The following POLA1 variants were observed in gnomAD, a reference collection of about 807,000 sequenced individuals.
POLA1 encodes DNA polymerase alpha 1, catalytic subunit.
POLA1 carries 15 observed loss-of-function variants against 124.0 expected under a neutral mutation model. The observed-to-expected ratio is 0.12, with a 90% CI of 0.08 to 0.19. POLA1 has a LOEUF of 0.19. Ranked by LOEUF, POLA1 falls within the 10% of genes least tolerant of loss-of-function variation. POLA1 has a pLI of 1.00. For missense variants in POLA1, 886 were observed against 1,103.4 expected (o/e 0.80, Z 2.79); for synonymous variants, 408 against 389.4 (o/e 1.05, Z -0.56).
intron 26 of POLA1, among the ~76,000 whole-genome samples, chrX:24,782,900 T>G (rs2045294344): frequency 9.0e-6 from 1 of 110,888 alleles, no homozygotes; most frequent in African/African-American, 3.3e-5. Flanking sequence ...ACCTAGAAAG[T>G]CCTGGAACCC....
chrX:24,721,531 A>G (rs1930202327), intron 10 of POLA1, among the ~76,000 whole-genome samples: 1 of 112,867 alleles, frequency 8.9e-6, no homozygotes, highest in African/African-American at 3.2e-5. Flanking sequence ...GAAGTACTCC[A>G]AAAGACCCTG....
In POLA1 at chrX:24,841,717, G is replaced by A. The variant is rs778454003; in HGVS notation, c.3802G>A (p.Gly1268Ser). Residue 1268 changes from glycine (G) to serine (S), a missense_variant, in exon 33 of 37, where the codon GGT becomes AGT. By Grantham distance (56) the Gly-to-Ser change is moderately conservative (BLOSUM62 0). Coordinates refer to ENST00000379068, the MANE Select transcript of POLA1 (RefSeq NM_001330360.2). ...HKDEENDALL[G>S]GPAQLTDEEK... ...AGATGAAGAGAATGATGCTCTACTT[G>A]GTGGCCCAGCACAGCTCACTGATGA... The A allele has an allele frequency of 4.5e-5, 53 of 1,185,645 alleles. No individual in the cohort carries two copies. Among genetic ancestry groups the A allele is most frequent in the Non-Finnish European group, 5.8e-5 (51 of 876,187 alleles).
At chrX:24,970,216 C>A (rs1448067146) in intron 36 of POLA1, among the ~76,000 whole-genome samples, 1 of 112,068 alleles carries the variant, frequency 8.9e-6, no homozygotes, top group Non-Finnish European at 1.9e-5. Context: ...AAAGGATTCC[C>A]TATTTAATAA....
At chrX:24,796,384 G>T (rs917333096) in intron 26 of POLA1, among the ~76,000 whole-genome samples, 2 of 111,307 alleles carry the variant, frequency 1.8e-5, no homozygotes, top group African/African-American at 6.6e-5. Context: ...TCACTGTGTG[G>T]TGCCTGACTG....
intron 4 of POLA1, among the ~76,000 whole-genome samples, chrX:24,711,908 A>T (rs866320560): frequency 5.4e-5 from 6 of 111,354 alleles, no homozygotes; most frequent in Non-Finnish European, 9.5e-5. Flanking sequence ...CACTACACAT[A>T]AAATTTTATT....
intron 34 of POLA1, among the ~76,000 whole-genome samples, chrX:24,870,878 T>C (rs1290349727): frequency 8.9e-6 from 1 of 111,767 alleles, no homozygotes; most frequent in Non-Finnish European, 1.9e-5. Flanking sequence ...CTAAAGAACT[T>C]TTCTTTGAAC....
At chrX:24,950,446 C>T (rs1251040919) in intron 36 of POLA1, among the ~76,000 whole-genome samples, 2 of 112,160 alleles carry the variant, frequency 1.8e-5, no homozygotes, top group African/African-American at 6.5e-5. Context: ...CACAGGACTC[C>T]AGAGTTCTTT....
intron 26 of POLA1, among the ~76,000 whole-genome samples, chrX:24,795,121 G>C (rs2045583032): frequency 9.0e-6 from 1 of 110,652 alleles, no homozygotes; most frequent in African/African-American, 3.3e-5. Flanking sequence ...CGATTGACTA[G>C]GAAACTTGAT....
At chrX:24,915,717 G>T (rs1264577454) in intron 35 of POLA1, among the ~76,000 whole-genome samples, 1 of 111,768 alleles carries the variant, frequency 8.9e-6, no homozygotes, top group East Asian at 2.8e-4. Flanking sequence ...TGCTTTATTT[G>T]TCAACATTGG....
At chrX:24,701,689 G>A (rs1426532594) in intron 2 of POLA1, among the ~76,000 whole-genome samples, 1 of 111,298 alleles carries the variant, frequency 9.0e-6, no homozygotes, top group Non-Finnish European at 1.9e-5. Context: ...ACCTGCCTTG[G>A]CCTCCCAAAG....
chrX:24,786,068 T>C (rs909260752), intron 26 of POLA1, among the ~76,000 whole-genome samples: 9 of 112,784 alleles, frequency 8.0e-5, no homozygotes, highest in Middle Eastern at 4.6e-3. Flanking sequence ...ATATTCCATT[T>C]TGTATGTGTG....
At chrX:24,790,400 T>C (rs1179370319) in intron 26 of POLA1, among the ~76,000 whole-genome samples, 1 of 112,249 alleles carries the variant, frequency 8.9e-6, no homozygotes, top group African/African-American at 3.2e-5. Flanking sequence ...TTTCATTTAC[T>C]ATCCCTTAAG....
intron 32 of POLA1, among the ~76,000 whole-genome samples, chrX:24,832,744 A>G (rs748518738): frequency 7.9e-4 from 89 of 112,152 alleles, no homozygotes; most frequent in African/African-American, 2.8e-3. Context: ...ATACACGTAC[A>G]CTGTATTATA....
chrX:24,718,236 A>C (rs1303861028), intron 10 of POLA1, among the ~76,000 whole-genome samples: 2 of 112,066 alleles, frequency 1.8e-5, no homozygotes, highest in African/African-American at 6.5e-5. Flanking sequence ...TTCGTGCACT[A>C]TAATGGAGCT....
intron 4 of POLA1, among the ~76,000 whole-genome samples, chrX:24,713,338 G>A (rs1569276850): frequency 8.9e-6 from 1 of 111,836 alleles, no homozygotes; most frequent in Non-Finnish European, 1.9e-5. Context: ...CAGAAAGCGA[G>A]AGTAAAATTG....
chrX:24,713,662 G>T (rs1305538059), intron 4 of POLA1, among the ~76,000 whole-genome samples: 2 of 111,647 alleles, frequency 1.8e-5, no homozygotes, highest in East Asian at 5.6e-4. Context: ...TGATCCGCCC[G>T]CCTCGGTCTT....
chrX:24,822,404 T>C (rs2046104839), intron 31 of POLA1, among the ~76,000 whole-genome samples: 1 of 112,861 alleles, frequency 8.9e-6, no homozygotes, highest in South Asian at 3.6e-4. Flanking sequence ...TCCTAATTGT[T>C]ATTGCATTGT....
chrX:24,925,503 T>G (rs1046934021), intron 35 of POLA1, among the ~76,000 whole-genome samples: 4 of 111,871 alleles, frequency 3.6e-5, no homozygotes, highest in African/African-American at 1.3e-4. Flanking sequence ...CTGGTTATGT[T>G]CCCATGCAAA....
chrX:24,953,697 G>A (rs2048073228), intron 36 of POLA1, among the ~76,000 whole-genome samples: 1 of 112,027 alleles, frequency 8.9e-6, no homozygotes, highest in African/African-American at 3.2e-5. Context: ...GCTTTGGTAA[G>A]GAGTGTGGTA....
Sources: allele counts gnomAD v4.1 joint callset (sites outside exome capture counted in the v4.1 genomes callset), GRCh38; gene constraint gnomAD v4.1.1; transcripts MANE v1.5; gene names NCBI Gene and HGNC (gene_info 2026-07-23, HGNC 2026-07-21).